NAV2: variants seen among roughly 807,000 people sequenced by gnomAD.
NAV2 encodes the protein neuron navigator 2.
In NAV2, 54 loss-of-function variants were observed where a neutral mutation model predicts 223.2. The observed-to-expected ratio is 0.24, with a 90% CI of 0.19 to 0.30. The LOEUF is 0.30. NAV2 is among the 10% of genes least tolerant of loss of function. NAV2 has a pLI of 1.00. For synonymous variants in NAV2, 1,279 were observed against 1,239.3 expected, an observed-to-expected ratio of 1.03 and a Z score of -0.67; for missense variants, 2,806 against 3,147.5, an observed-to-expected ratio of 0.89 and a Z score of 2.60.
intron 1 of NAV2, among the ~76,000 whole-genome samples, chr11:19,604,395 G>T (rs1380544871): frequency 6.6e-6 from 1 of 152,068 alleles, no homozygotes; most frequent in Non-Finnish European, 1.5e-5. Context: ...GGTGTATAGA[G>T]TGTGAAAAAG....
At chr11:19,410,575 A>G (rs1212714076) in intron 1 of NAV2, among the ~76,000 whole-genome samples, 1 of 152,134 alleles carries the variant, frequency 6.6e-6, no homozygotes, top group Admixed American at 6.5e-5. Context: ...TGGCCACTAC[A>G]TTGTGCTGAT....
chr11:20,046,478 G>A (rs2057441293), intron 14 of NAV2, among the ~76,000 whole-genome samples: 1 of 151,906 alleles, frequency 6.6e-6, no homozygotes, highest in Non-Finnish European at 1.5e-5. Context: ...CCTCATTATG[G>A]CAGGCAGTGA....
At chr11:20,099,139 G>A (rs963397458) in intron 31 of NAV2, among the ~76,000 whole-genome samples, 2 of 152,196 alleles carry the variant, frequency 1.3e-5, no homozygotes, top group African/African-American at 4.8e-5. Flanking sequence ...TTGGGTTGGT[G>A]GAAGAGCTGG....
chr11:20,109,976 G>A (rs1310424015), intron 36 of NAV2, among the ~76,000 whole-genome samples: 1 of 152,256 alleles, frequency 6.6e-6, no homozygotes, highest in Non-Finnish European at 1.5e-5. Flanking sequence ...GAACCTAAAG[G>A]AAGGCTTTCT....
rs188428116 is a variant in NAV2, at chr11:20,081,977, G to T, written c.5326-1030G>T. 5.6e-4 allele frequency among the ~76,000 whole-genome samples: 86 copies of T among 152,220 alleles called. No individual in the cohort carries two copies. The South Asian group carries it at 0.013, about 24-fold the overall frequency. The stretch of plus-strand genomic sequence containing the variant: ...TCCATTTCCTGCAACAGAGGCGGGG[G>T]GGAAAGAATTTTCAGATCCATCTCA... On this transcript the variant is annotated intron_variant, in intron 25 of 37. Transcript: ENST00000349880.
chr11:19,484,213 C>G (rs1214041143), intron 1 of NAV2, among the ~76,000 whole-genome samples: 1 of 151,530 alleles, frequency 6.6e-6, no homozygotes, highest in Non-Finnish European at 1.5e-5. Context: ...TTAATTAAAG[C>G]CTGGCTCTTT....
chr11:19,426,776 A>T (rs1850848121), intron 1 of NAV2, among the ~76,000 whole-genome samples: 1 of 151,956 alleles, frequency 6.6e-6, no homozygotes, highest in Admixed American at 6.6e-5. Flanking sequence ...AGGAAAATTT[A>T]TGTCTCTCTT....
intron 1 of NAV2, among the ~76,000 whole-genome samples, chr11:19,585,227 G>C (rs1247961249): frequency 4.6e-5 from 7 of 151,850 alleles, no homozygotes; most frequent in Admixed American, 3.9e-4. Context: ...TTTTCCATTT[G>C]CTTGGTAGAT....
At chr11:20,023,610 C>G (rs929099212) in intron 11 of NAV2, among the ~76,000 whole-genome samples, 1 of 151,476 alleles carries the variant, frequency 6.6e-6, no homozygotes, top group Admixed American at 6.6e-5. Flanking sequence ...TTCAGAGGGC[C>G]CTGATTAAAA....
intron 14 of NAV2, among the ~76,000 whole-genome samples, chr11:20,047,678 T>G (rs1008076584): frequency 6.6e-6 from 1 of 152,216 alleles, no homozygotes; most frequent in South Asian, 2.1e-4. Flanking sequence ...ACAAAGTGTT[T>G]CCTTTCTGCC....
chr11:19,842,797 CAAGTGTCCTGAACATCACTACTGA>C, intron 2 of NAV2, 50 bp from the exon 3 acceptor site: 1 of 1,466,680 alleles, frequency 6.8e-7, no homozygotes. Context: ...TTGGTTGCCT[CAAGTGTCCTGAACATCACTACTGA>C]AAGTGTCTCT....
At chr11:19,697,089 T>C (rs2049363966) in intron 1 of NAV2, among the ~76,000 whole-genome samples, 1 of 152,198 alleles carries the variant, frequency 6.6e-6, no homozygotes, top group Non-Finnish European at 1.5e-5. Flanking sequence ...CCTGGAATAC[T>C]ATGCAGCCAT....
chr11:20,035,631 C>T (rs1444642559), intron 11 of NAV2, among the ~76,000 whole-genome samples: 1 of 152,192 alleles, frequency 6.6e-6, no homozygotes, highest in Non-Finnish European at 1.5e-5. Flanking sequence ...TACTCTGCCA[C>T]TAGGCCTGGG....
intron 3 of NAV2, among the ~76,000 whole-genome samples, chr11:19,862,569 C>T (rs570541027): frequency 1.3e-4 from 20 of 152,300 alleles, no homozygotes; most frequent in Non-Finnish European, 2.1e-4. Context: ...CTGATGCTCC[C>T]GAATATTTCC....
rs567858830 is a variant in NAV2 at position 19,921,022 on chromosome 11, CTTT to C, written c.932-12152_932-12150del. Among the ~76,000 whole-genome samples, 29 of 152,230 alleles carry C rather than the reference CTTT, an allele frequency of 1.9e-4. No individual in the cohort carries two copies. In the South Asian group the frequency reaches 6.0e-3, roughly 32 times the overall value. On this transcript the variant is annotated intron_variant, in intron 6 of 37. Transcript: ENST00000349880. ...TAGGTGAGTAAAGCTAGTGAGAAGT[CTTT>C]TGAGGCATTTTCTATCTCACTATGT...
At chr11:19,879,508 T>G (rs954604922) in intron 4 of NAV2, among the ~76,000 whole-genome samples, 3 of 152,092 alleles carry the variant, frequency 2.0e-5, no homozygotes, top group African/African-American at 4.8e-5. Context: ...AGAAGCCAAG[T>G]GCACTGTGAA....
intron 1 of NAV2, among the ~76,000 whole-genome samples, chr11:19,398,803 G>A (rs767379694): frequency 3.3e-5 from 5 of 152,122 alleles, no homozygotes; most frequent in Admixed American, 6.5e-5. Context: ...CTGGGGATCC[G>A]GGCCCCTCCT....
chr11:19,528,102 T>A (rs1421684358), intron 1 of NAV2, among the ~76,000 whole-genome samples: 1 of 152,124 alleles, frequency 6.6e-6, no homozygotes, highest in African/African-American at 2.4e-5. Flanking sequence ...GCATGAAGGA[T>A]TAATAATTTT....
At chr11:19,824,697 C>T (rs1467076311) in intron 1 of NAV2, among the ~76,000 whole-genome samples, 2 of 152,130 alleles carry the variant, frequency 1.3e-5, no homozygotes, top group Non-Finnish European at 2.9e-5. Flanking sequence ...CAGCTAATTT[C>T]GGTTTCCTCA....
Sources: allele counts gnomAD v4.1 joint callset (sites outside exome capture counted in the v4.1 genomes callset), GRCh38; gene constraint gnomAD v4.1.1; transcripts MANE v1.5; gene names NCBI Gene and HGNC (gene_info 2026-07-23, HGNC 2026-07-21).